The following KRI1 variants were observed in gnomAD, a reference collection of about 807,000 sequenced individuals.
KRI1 encodes the protein KRI1 homolog.
Under a neutral mutation model 97.0 loss-of-function variants are expected in KRI1, and 83 were observed. That is an observed-to-expected ratio of 0.86 (90% CI 0.72 to 1.03). KRI1 has a LOEUF of 1.03. Among genes scored for constraint, KRI1 ranks in the 50% least tolerant of loss-of-function variants. KRI1 has a pLI of 0.00. For missense variants in KRI1, 916 were observed against 928.4 expected (o/e 0.99, Z 0.17); for synonymous variants, 371 against 363.5 (o/e 1.02, Z -0.23).
At chr19:10,554,354 T>C in intron 18 of KRI1, 73 bp from the exon 19 acceptor site, 1 of 1,315,060 alleles carries the variant, frequency 7.6e-7, no homozygotes, top group East Asian at 2.3e-5. Flanking sequence ...CATGCCCCAT[T>C]TTACAGACAG....
chr19:10,555,395 C>T (rs370649429), intron 16 of KRI1, 46 bp from the exon 17 acceptor site: 19 of 1,601,628 alleles, frequency 1.2e-5, no homozygotes, highest in Non-Finnish European at 1.5e-5. Context: ...ATTGCCCAGG[C>T]GGGGCCTTCC....
intron 3 of KRI1, among the ~76,000 whole-genome samples, chr19:10,563,698 C>G (rs1916768046): frequency 6.6e-6 from 1 of 152,128 alleles, no homozygotes; most frequent in South Asian, 2.1e-4. Flanking sequence ...TACTCTTGCT[C>G]AGGCTGGAGT....
chr19:10,565,816 C>CCT (rs779949183), intron 1 of KRI1, 26 bp from the exon 2 acceptor site: 8 of 1,550,288 alleles, frequency 5.2e-6, no homozygotes, highest in African/African-American at 4.3e-5. Context: ...GGGATGCCCC[C>CCT]CCCCAGGTCA....
chr19:10,565,085 G>T (rs1916821812), intron 2 of KRI1, 51 bp from the exon 3 acceptor site: 2 of 1,214,874 alleles, frequency 1.6e-6, no homozygotes, highest in Non-Finnish European at 1.2e-6. Context: ...GATAATAAGA[G>T]CCCTGGCGCC....
Position 10,553,475 on chromosome 19 carries a change from C to T in KRI1, c.*476G>A, listed in dbSNP as rs1232660211. ...GGGATGTGGGGTCTGGGAGGTGTCTCGAGGTGAGAGCTCCAAGTCACGGGA... is the reference window on the plus strand; with the variant it reads ...GGGATGTGGGGTCTGGGAGGTGTCTTGAGGTGAGAGCTCCAAGTCACGGGA... On this transcript the variant is annotated 3_prime_UTR_variant, in exon 19 of 19. Transcript: ENST00000312962. 8 of 189,266 alleles carry T rather than the reference C, an allele frequency of 4.2e-5. No homozygotes were observed. The highest frequency in any genetic ancestry group is 2.2e-5 in the Non-Finnish European group (2 of 92,554). 11.7% of individuals were successfully genotyped at this position (189,266 alleles called of 1,614,324 possible).
Position 10,555,163 on chromosome 19 carries a change from C to T in KRI1, c.1705G>A (p.Asp569Asn). The T allele has an allele frequency of 6.2e-7, 1 of 1,614,216 alleles. No individual in the cohort carries two copies. The highest frequency in any genetic ancestry group is 8.5e-7 in the Non-Finnish European group (1 of 1,180,042). Residue 569 changes from aspartate (D) to asparagine (N), a missense_variant, in exon 18 of 19, where the codon GAC becomes AAC. Transcript: ENST00000312962. ...MYRSEQEELR[D>N]KRAYSQKAQN... ...GCCTTCTGGCTGTACGCCCGCTTGT[C>T]CCGCAGCTCCTCCTGCTCTGACCTG...
In KRI1 at chr19:10,557,813, G is replaced by A; in HGVS notation, c.1442C>T (p.Pro481Leu). ...PLTGKKKRKS[P>L]FAAAVGQEKP... The stretch of plus-strand genomic sequence containing the variant: ...CTCCTGCCCCACGGCCGCGGCGAAG[G>A]GCGACTTGCGCTTCTTCTTGCCCGT... The change falls in exon 15 of 19, where the codon CCC becomes CTC. Residue 481 changes from proline (P) to leucine (L), a missense_variant. This residue lies in a region of KRI1 where 672 missense variants were observed against 667.2 expected (regional missense o/e 1.01). Coordinates refer to ENST00000312962, the MANE Select transcript of KRI1 (RefSeq NM_023008.5). 1.2e-6 allele frequency: 2 copies of A among 1,613,414 alleles called. No homozygotes were observed. Among genetic ancestry groups the A allele is most frequent in the South Asian group, 1.1e-5 (1 of 91,062 alleles).
In KRI1 at chr19:10,558,058, C is replaced by T. The variant is rs150288571; in HGVS notation, c.1273G>A (p.Asp425Asn). 1.3e-5 allele frequency: 21 copies of T among 1,613,944 alleles called. No individual in the cohort carries two copies. Among genetic ancestry groups the T allele is most frequent in the Non-Finnish European group, 1.8e-5 (21 of 1,180,026 alleles). The part of the protein sequence containing the change: ...QFEEEEGLED[D>N]WNWDTWDGPE... ...CCGTCCCACGTGTCCCAGTTCCAGT[C>T]GTCTGGATGCAGGGAGAACAGACAG... is the stretch of plus-strand genomic sequence containing the variant. The change falls in exon 14 of 19, where the codon GAC (aspartate) becomes AAC (asparagine). Residue 425 changes from aspartate (D) to asparagine (N), a missense_variant and splice_region_variant. Physicochemically the swap from Asp to Asn is conservative, Grantham distance 23 (BLOSUM62 1). Coordinates refer to ENST00000312962, the MANE Select transcript of KRI1 (RefSeq NM_023008.5).
intron 13 of KRI1, 31 bp downstream of exon 13, chr19:10,558,126 GTCCCCAA>G: frequency 6.2e-7 from 1 of 1,613,294 alleles, no homozygotes; most frequent in Non-Finnish European, 8.5e-7. Flanking sequence ...CCAGTCCCCA[GTCCCCAA>G]TCCCCAGCCC....
intron 2 of KRI1, 184 bp downstream of exon 2, chr19:10,565,533 G>A: frequency 1.4e-6 from 1 of 713,008 alleles, no homozygotes; most frequent in Non-Finnish European, 2.2e-6. Context: ...AGAAAATAAC[G>A]GGGATTTGGC....
rs917911899 is a variant in KRI1 at position 10,565,983 on chromosome 19, C to T, written c.17G>A (p.Gly6Glu). Residue 6 changes from glycine to glutamate, a missense_variant, in exon 1 of 19, where the codon GGG becomes GAG. Gly to Glu is a moderately conservative substitution (Grantham distance 98). Coordinates refer to ENST00000312962, the MANE Select transcript of KRI1 (RefSeq NM_023008.5). Reference sequence around the variant, plus strand: ...CGCGTTCACCCGCAGCTGCGACGACCCGCGCGGTTCCGGCATGGCGGTTCT... The same window carrying T: ...CGCGTTCACCCGCAGCTGCGACGACTCGCGCGGTTCCGGCATGGCGGTTCT... MPEPR[G>E]SSQLRVNAAF... The T allele has an allele frequency of 9.8e-6, 15 of 1,523,020 alleles. No homozygotes were observed. The highest frequency in any genetic ancestry group is 4.3e-5 in the African/African-American group (3 of 70,218). The allele number at this position is 1,523,020 out of a possible 1,614,324, so 94.3% of individuals were successfully genotyped here. A position where few individuals can be genotyped will look rare whatever the true frequency, so the allele number is the denominator to read the frequency against.
At chr19:10,561,527 T>C in intron 6 of KRI1, 140 bp downstream of exon 6, 2 of 908,368 alleles carry the variant, frequency 2.2e-6, no homozygotes, top group Non-Finnish European at 3.6e-6. Context: ...AGAGCAGTGC[T>C]GTGATGTTAT....
At chr19:10,557,441 G>T (rs1472090188) in intron 16 of KRI1, 111 bp downstream of exon 16, 1 of 1,192,412 alleles carries the variant, frequency 8.4e-7, no homozygotes, top group Non-Finnish European at 1.2e-6. Flanking sequence ...GAAACAGCCT[G>T]CCATGTTGTG....
In KRI1 at chr19:10,560,425, G is replaced by A. The variant is rs778702660; in HGVS notation, c.687C>T (p.Asn229=). 17 of 1,612,976 alleles carry A rather than the reference G, an allele frequency of 1.1e-5. No homozygotes were observed. The highest frequency in any genetic ancestry group is 1.7e-4 in the Middle Eastern group (1 of 6,054). Residue 229 remains asparagine, a synonymous_variant, in exon 9 of 19, where the codon AAC becomes AAT. Coordinates refer to ENST00000312962, the MANE Select transcript of KRI1 (RefSeq NM_023008.5). The stretch of plus-strand genomic sequence containing the variant: ...GCTCCCCTTCATCCAACTCAGGGTC[G>A]TTCCAGTATTCCTTGAGATGCGTCT... ...KELTHLKEYW[N]DPELDEGERF... is the part of the protein sequence containing the mutation.
intron 9 of KRI1, 85 bp downstream of exon 9, chr19:10,560,227 C>G (rs1916649788): frequency 1.4e-6 from 2 of 1,473,954 alleles, no homozygotes; most frequent in Admixed American, 2.4e-5. Flanking sequence ...ACACATGGTG[C>G]CCTCTGCCTC....
rs149342438 is a variant in KRI1, at chr19:10,557,769, C to A, written c.1486G>T (p.Gly496Trp). 1 of 1,613,410 alleles carries A rather than the reference C, an allele frequency of 6.2e-7. No homozygotes were observed. Among genetic ancestry groups the A allele is most frequent in the Non-Finnish European group, 8.5e-7 (1 of 1,179,742 alleles). ...VGQEKPVFEP[G>W]DKTFEEYLDE... ...CACGGCCTGCCCACCTGGGCCTCACCGGGTTCAAACACGGGCTTCTCCTGC... is the reference window on the plus strand; with the variant it reads ...CACGGCCTGCCCACCTGGGCCTCACAGGGTTCAAACACGGGCTTCTCCTGC... The change falls in exon 15 of 19, where the codon GGG (glycine) becomes TGG (tryptophan). Residue 496 changes from glycine to tryptophan, a missense_variant and splice_region_variant. Physicochemically the swap from Gly to Trp is radical, Grantham distance 184. This residue lies in a region of KRI1 where 672 missense variants were observed against 667.2 expected (regional missense o/e 1.01). Transcript: ENST00000312962.
chr19:10,560,455 G>A lies in KRI1; in HGVS notation c.664-7C>T, dbSNP rs1451418642. 5 of 1,602,280 alleles carry A rather than the reference G, an allele frequency of 3.1e-6. No individual in the cohort carries two copies. The highest frequency in any genetic ancestry group is 1.7e-4 in the Middle Eastern group (1 of 5,970). ...AGTATTCCTTGAGATGCGTCTGGGG[G>A]TGACAGGAGACAGGACTCTGGTCAA... On this transcript the variant is annotated splice_polypyrimidine_tract_variant and splice_region_variant and intron_variant, in intron 8 of 18. Transcript: ENST00000312962.
In KRI1 at chr19:10,555,436, G is replaced by T. The variant is rs12459941; in HGVS notation, c.1618-87C>A. 5.3e-5 allele frequency: 74 copies of T among 1,394,722 alleles called. 1 individual carries two copies. The highest frequency in any genetic ancestry group is 2.2e-4 in the Middle Eastern group (1 of 4,608). 86.4% of individuals were successfully genotyped at this position (1,394,722 alleles called of 1,614,324 possible). ...CCTAAGTCATGTCATTAGTCAAAACGGTAATGCCGCTACCACCCAGCAGGG... is the reference window on the plus strand; with the variant it reads ...CCTAAGTCATGTCATTAGTCAAAACTGTAATGCCGCTACCACCCAGCAGGG... On this transcript the variant is annotated intron_variant, in intron 16 of 18. Transcript: ENST00000312962.
In KRI1 at chr19:10,560,368, G is replaced by A. The variant is rs1207980298; in HGVS notation, c.744C>T (p.Arg248=). Residue 248 remains arginine, a synonymous_variant, in exon 9 of 19, where the codon CGC becomes CGT. Coordinates refer to ENST00000312962, the MANE Select transcript of KRI1 (RefSeq NM_023008.5). ...CCTCCTCCTCTTCCTCCTCCTCATA[G>A]CGTTTGTTGAGGATGTAATCCCGCA... ...RFLRDYILNK[R]YEEEEEEEED... is the part of the protein sequence containing the mutation. The A allele has an allele frequency of 3.7e-6, 6 of 1,613,134 alleles. No homozygotes were observed. The South Asian group carries it at 5.5e-5, about 15-fold the overall frequency.
Sources: allele counts gnomAD v4.1 joint callset (sites outside exome capture counted in the v4.1 genomes callset), GRCh38; gene constraint gnomAD v4.1.1; regional missense constraint gnomAD v4.1.1; transcripts MANE v1.5; gene names NCBI Gene and HGNC (gene_info 2026-07-23, HGNC 2026-07-21).